STAMBPL1: variants seen among roughly 807,000 people sequenced by gnomAD.
STAMBPL1 encodes STAM binding protein like 1.
Under a neutral mutation model 52.9 loss-of-function variants are expected in STAMBPL1, and 44 were observed. That is an observed-to-expected ratio of 0.83 (90% CI 0.65 to 1.07). The LOEUF is 1.07. Ranked by LOEUF, STAMBPL1 falls within the 50% of genes least tolerant of loss-of-function variation. The pLI is 0.00. For missense variants in STAMBPL1, 511 were observed against 520.8 expected (o/e 0.98, Z 0.18); for synonymous variants, 164 against 177.3 (o/e 0.92, Z 0.60).
intron 1 of STAMBPL1, among the ~76,000 whole-genome samples, chr10:88,895,293 T>C (rs1272058987): frequency 6.6e-6 from 1 of 152,324 alleles, no homozygotes; most frequent in African/African-American, 2.4e-5. Flanking sequence ...TCCCCTCAGG[T>C]CTCATTGTCC....
At chr10:88,883,665 G>C (rs974769179) in intron 1 of STAMBPL1, among the ~76,000 whole-genome samples, 5 of 152,182 alleles carry the variant, frequency 3.3e-5, no homozygotes, top group African/African-American at 1.2e-4. Flanking sequence ...AACACATATT[G>C]TTTGATGCTC....
intron 1 of STAMBPL1, among the ~76,000 whole-genome samples, chr10:88,881,409 A>G (rs189273820): frequency 3.7e-4 from 57 of 152,212 alleles, no homozygotes; most frequent in African/African-American, 1.2e-3. Flanking sequence ...GTGCCTGGGA[A>G]GTGGGGTGGG....
At chr10:88,884,587 G>A (rs2133113745) in intron 1 of STAMBPL1, among the ~76,000 whole-genome samples, 1 of 152,312 alleles carries the variant, frequency 6.6e-6, no homozygotes, top group South Asian at 2.1e-4. Context: ...TTTGTTTTAT[G>A]TGAAAGAGAT....
At chr10:88,917,511 G>C (rs1269696178) in intron 8 of STAMBPL1, among the ~76,000 whole-genome samples, 1 of 151,994 alleles carries the variant, frequency 6.6e-6, no homozygotes, top group African/African-American at 2.4e-5. Context: ...AGCAATCCGA[G>C]CATCAGTTTT....
intron 4 of STAMBPL1, among the ~76,000 whole-genome samples, chr10:88,909,742 AGG>A (rs1013522035): frequency 6.6e-6 from 1 of 152,124 alleles, no homozygotes; most frequent in Non-Finnish European, 1.5e-5. Context: ...CTGGGATTAC[AGG>A]CACCTGCCAC....
intron 6 of STAMBPL1, among the ~76,000 whole-genome samples, chr10:88,914,194 A>T (rs74541528): frequency 3.3e-3 from 501 of 152,306 alleles, no homozygotes; most frequent in African/African-American, 0.011. Flanking sequence ...TCTATGTCTT[A>T]TAGGATATGA....
At chr10:88,921,246 G>C (rs1473670092) in intron 8 of STAMBPL1, 37 bp from the exon 9 acceptor site, 1 of 1,545,994 alleles carries the variant, frequency 6.5e-7, no homozygotes, top group Non-Finnish European at 8.9e-7. Flanking sequence ...GGCTAAGACA[G>C]CTATCCTAGT....
At chr10:88,885,184 C>T (rs1844501064) in intron 1 of STAMBPL1, among the ~76,000 whole-genome samples, 1 of 152,078 alleles carries the variant, frequency 6.6e-6, no homozygotes, top group East Asian at 1.9e-4. Flanking sequence ...ACCTATTTTC[C>T]TAACTTGTAT....
At chr10:88,890,381 G>T (rs962847652) in intron 1 of STAMBPL1, among the ~76,000 whole-genome samples, 4 of 152,220 alleles carry the variant, frequency 2.6e-5, no homozygotes, top group Non-Finnish European at 5.9e-5. Context: ...AGGGGAGCAA[G>T]ATAGAAACAA....
At chr10:88,917,388 C>T (rs977292714) in intron 8 of STAMBPL1, among the ~76,000 whole-genome samples, 2 of 152,016 alleles carry the variant, frequency 1.3e-5, no homozygotes, top group African/African-American at 4.8e-5. Context: ...GGATAGGGCC[C>T]AAAACATTGA....
rs1844945568 is a variant in STAMBPL1 at position 88,901,645 on chromosome 10, T to C, written c.-53-11T>C. ...AAATAACTTTAGTTCTGCTTCTTGTTTTTGAAACAGATGAAGTGATTGAGA... is the reference window on the plus strand; with the variant it reads ...AAATAACTTTAGTTCTGCTTCTTGTCTTTGAAACAGATGAAGTGATTGAGA... On this transcript the variant is annotated splice_polypyrimidine_tract_variant and intron_variant, in intron 1 of 10. Transcript: ENST00000371926. 2 of 1,554,634 alleles carry C rather than the reference T, an allele frequency of 1.3e-6. No individual in the cohort carries two copies. The highest frequency in any genetic ancestry group is 2.8e-5 in the African/African-American group (2 of 72,298).
chr10:88,913,166 G>T lies in STAMBPL1; in HGVS notation c.486G>T (p.Lys162Asn). Residue 162 changes from lysine to asparagine, a missense_variant, in exon 6 of 11, where the codon AAG becomes AAT. By Grantham distance (94) the Lys-to-Asn change is moderately conservative (BLOSUM62 0). This residue lies in a region of STAMBPL1 where 358 missense variants were observed against 343.5 expected (regional missense o/e 1.04). Coordinates refer to ENST00000371926, the MANE Select transcript of STAMBPL1 (RefSeq NM_020799.4). ...AGAGATTGATAGAGGCAGAAAGGAAGCGGATTGCTCAGATGCGCCAGCAGC... is the reference window on the plus strand; with the variant it reads ...AGAGATTGATAGAGGCAGAAAGGAATCGGATTGCTCAGATGCGCCAGCAGC... Reference protein sequence around the residue: ...EHQRLIEAERKRIAQMRQQQL... With the variant: ...EHQRLIEAERNRIAQMRQQQL... 6.2e-7 allele frequency: 1 copy of T among 1,613,626 alleles called. No individual in the cohort carries two copies. Among genetic ancestry groups the T allele is most frequent in the East Asian group, 2.2e-5 (1 of 44,860 alleles).
chr10:88,884,811 T>C (rs913545733), intron 1 of STAMBPL1, among the ~76,000 whole-genome samples: 1 of 152,230 alleles, frequency 6.6e-6, no homozygotes, highest in Non-Finnish European at 1.5e-5. Flanking sequence ...TCAATGATGA[T>C]GGAGTGGTTG....
chr10:88,906,959 C>CTCCTGAACTTAT (rs961507526), intron 3 of STAMBPL1, among the ~76,000 whole-genome samples: 9 of 152,122 alleles, frequency 5.9e-5, no homozygotes, highest in African/African-American at 2.2e-4. Context: ...TACACTGGAC[C>CTCCTGAACTTAT]TCCTGAACTT....
intron 2 of STAMBPL1, 122 bp downstream of exon 2, chr10:88,901,860 CATCT>C (rs1844950970): frequency 5.5e-6 from 5 of 916,308 alleles, no homozygotes; most frequent in South Asian, 3.3e-5. Flanking sequence ...GTTTTTCATC[CATCT>C]GTGTGGTTGT....
intron 1 of STAMBPL1, among the ~76,000 whole-genome samples, chr10:88,892,983 T>A (rs1033228096): frequency 6.6e-6 from 1 of 152,266 alleles, no homozygotes; most frequent in Non-Finnish European, 1.5e-5. Flanking sequence ...AAGTATCTTT[T>A]GGATAGTATT....
chr10:88,884,535 T>C (rs1461327372), intron 1 of STAMBPL1, among the ~76,000 whole-genome samples: 1 of 152,160 alleles, frequency 6.6e-6, no homozygotes, highest in Admixed American at 6.5e-5. Flanking sequence ...TCAGATCCCA[T>C]TGAGATGGAG....
intron 3 of STAMBPL1, among the ~76,000 whole-genome samples, chr10:88,908,049 T>A (rs1177310532): frequency 6.6e-6 from 1 of 152,198 alleles, no homozygotes; most frequent in Non-Finnish European, 1.5e-5. Flanking sequence ...CATCAGTGCA[T>A]AAAAAAGAGA....
intron 2 of STAMBPL1, among the ~76,000 whole-genome samples, chr10:88,902,966 T>C (rs963830606): frequency 6.6e-6 from 1 of 152,232 alleles, no homozygotes; most frequent in African/African-American, 2.4e-5. Context: ...ATTTTCACTT[T>C]CTGTCCCCAT....
Sources: allele counts gnomAD v4.1 joint callset (sites outside exome capture counted in the v4.1 genomes callset), GRCh38; gene constraint gnomAD v4.1.1; regional missense constraint gnomAD v4.1.1; transcripts MANE v1.5; gene names NCBI Gene and HGNC (gene_info 2026-07-23, HGNC 2026-07-21).